The following SYMPK variants were observed in gnomAD, a reference collection of about 807,000 sequenced individuals.
SYMPK encodes symplekin scaffold protein.
SYMPK carries 49 observed loss-of-function variants against 136.4 expected under a neutral mutation model. The ratio of observed to expected loss-of-function variants is 0.36; its 90% CI spans 0.29 to 0.46. The LOEUF (loss-of-function observed/expected upper bound fraction) is 0.46. Ranked by LOEUF, SYMPK falls within the 20% of genes least tolerant of loss-of-function variation. The probability of loss-of-function intolerance (pLI) is 1.00; values close to 1 mark genes in which losing one functional copy is unlikely to be tolerated. For synonymous variants in SYMPK, 766 were observed against 713.0 expected (o/e 1.07, Z -1.19); for missense variants, 1,365 against 1,690.0 (o/e 0.81, Z 3.37).
rs191537817 is a variant in SYMPK, at chr19:45,835,073, C to T, written c.1393+5G>A. ...TGGCCCAGGTTAGGGCCAGGACACA[C>T]TCACCTGGTCCCAGTCCGGCAGCTG... On this transcript the variant is annotated splice_donor_5th_base_variant and intron_variant, in intron 11 of 26. Coordinates refer to ENST00000245934, the MANE Select transcript of SYMPK (RefSeq NM_004819.3). The T allele has an allele frequency of 5.0e-6, 8 of 1,588,414 alleles. No individual in the cohort carries two copies. Among genetic ancestry groups the T allele is most frequent in the Non-Finnish European group, 6.0e-6 (7 of 1,166,924 alleles).
intron 8 of SYMPK, among the ~76,000 whole-genome samples, 193 bp downstream of exon 8, chr19:45,843,837 G>A (rs939671267): frequency 1.3e-5 from 2 of 150,224 alleles, no homozygotes; most frequent in African/African-American, 2.5e-5. Flanking sequence ...CCAGCTACTC[G>A]GGAGGCTGAG....
intron 15 of SYMPK, 68 bp from the exon 16 acceptor site, chr19:45,827,691 C>T: frequency 6.6e-7 from 1 of 1,525,934 alleles, no homozygotes; most frequent in Non-Finnish European, 9.1e-7. Context: ...GTCTTTCCTG[C>T]CTGCCTCTGA....
At chr19:45,816,273 G>C in intron 25 of SYMPK, 90 bp from the exon 26 acceptor site, 3 of 1,145,174 alleles carry the variant, frequency 2.6e-6, no homozygotes, top group East Asian at 2.6e-5. Flanking sequence ...GGTGGTCTTT[G>C]AGTTCTTCAC....
intron 22 of SYMPK, chr19:45,820,416 A>T (rs1450569188): frequency 6.6e-6 from 1 of 152,220 alleles, no homozygotes; most frequent in East Asian, 1.9e-4. Context: ...CTTGACCTTA[A>T]ACGTTTCTCA....
intron 10 of SYMPK, among the ~76,000 whole-genome samples, chr19:45,837,718 C>T (rs1971335867): frequency 6.6e-6 from 1 of 151,592 alleles, no homozygotes; most frequent in South Asian, 2.1e-4. Flanking sequence ...AAGTTGGAGC[C>T]AGGTAGCAAG....
chr19:45,816,025 G>GGAGGAA lies in SYMPK; in HGVS notation c.3507_3512dup (p.Ser1170_Ser1171dup). ...GCCGGGCCGACGGAGAGGGAGAGGG[G>GGAGGAA]GAGGAAGAGGAGGGGGCTCCCACTC... is the stretch of plus-strand genomic sequence containing the variant. On this transcript the variant is annotated inframe_insertion, in exon 26 of 27. Coordinates refer to ENST00000245934, the MANE Select transcript of SYMPK (RefSeq NM_004819.3). 1 of 1,587,044 alleles carries GGAGGAA rather than the reference G, an allele frequency of 6.3e-7. No homozygotes were observed. Among genetic ancestry groups the GGAGGAA allele is most frequent in the Non-Finnish European group, 8.6e-7 (1 of 1,166,544 alleles).
intron 1 of SYMPK, among the ~76,000 whole-genome samples, chr19:45,862,187 A>AT (rs1971982441): frequency 6.6e-6 from 1 of 152,034 alleles, no homozygotes; most frequent in African/African-American, 2.4e-5. Context: ...GTTGCATAGT[A>AT]TTTTTTATGT....
At chr19:45,838,928 C>T (rs1600514408) in intron 9 of SYMPK, among the ~76,000 whole-genome samples, 1 of 152,278 alleles carries the variant, frequency 6.6e-6, no homozygotes, top group Non-Finnish European at 1.5e-5. Flanking sequence ...TGCTCGTCAC[C>T]GAGGCTGCAG....
chr19:45,815,445 CTT>C lies in SYMPK; in HGVS notation c.*113_*114del. On this transcript the variant is annotated 3_prime_UTR_variant, in exon 27 of 27. Coordinates refer to ENST00000245934, the MANE Select transcript of SYMPK (RefSeq NM_004819.3). ...CCCTTTTTTTTTTTCTTTTCAGTAA[CTT>C]GCCCAAGTTCACATCTTTTATTTCT... 2 of 1,127,068 alleles carry C rather than the reference CTT, an allele frequency of 1.8e-6. No homozygotes were observed. Among genetic ancestry groups the C allele is most frequent in the Non-Finnish European group, 2.4e-6 (2 of 825,280 alleles). 69.8% of individuals were successfully genotyped at this position (1,127,068 alleles called of 1,614,324 possible). A position where few individuals can be genotyped will look rare whatever the true frequency, so the allele number is the denominator to read the frequency against.
At chr19:45,827,768 C>T (rs1175871764) in intron 15 of SYMPK, 69 bp downstream of exon 15, 4 of 1,550,074 alleles carry the variant, frequency 2.6e-6, no homozygotes, top group Non-Finnish European at 2.7e-6. Context: ...AGACTGTGTG[C>T]CCTTCAGACC....
chr19:45,832,345 T>C (rs915303805), intron 11 of SYMPK, among the ~76,000 whole-genome samples: 18 of 152,064 alleles, frequency 1.2e-4, no homozygotes, highest in Non-Finnish European at 2.4e-4. Flanking sequence ...TTTCACCACA[T>C]TGGCCAGGCT....
chr19:45,815,481 C>G lies in SYMPK; in HGVS notation c.*79G>C. On this transcript the variant is annotated 3_prime_UTR_variant, in exon 27 of 27. Transcript: ENST00000245934. Reference sequence around the variant, plus strand: ...TCACATCTTTTATTTCTTTTTAAGGCAAAGCACCCGCAGGTCAAGCCCCGC... The same window carrying G: ...TCACATCTTTTATTTCTTTTTAAGGGAAAGCACCCGCAGGTCAAGCCCCGC... 1 of 1,224,496 alleles carries G rather than the reference C, an allele frequency of 8.2e-7. No homozygotes were observed. The highest frequency in any genetic ancestry group is 1.1e-6 in the Non-Finnish European group (1 of 905,020). The allele number at this position is 1,224,496 out of a possible 1,614,324, so 75.9% of individuals were successfully genotyped here. A position where few individuals can be genotyped will look rare whatever the true frequency, so the allele number is the denominator to read the frequency against.
intron 16 of SYMPK, among the ~76,000 whole-genome samples, 180 bp from the exon 17 acceptor site, chr19:45,826,553 G>A (rs1012354059): frequency 1.3e-5 from 2 of 151,908 alleles, no homozygotes; most frequent in Admixed American, 6.6e-5. Context: ...GGCCAGGGCC[G>A]GACCCGCAGC....
chr19:45,847,732 CA>C lies in SYMPK; in HGVS notation c.676+19del, dbSNP rs1568623006. Reference sequence around the variant, plus strand: ...ACTGGTGCAGGGCTGTCAGGGGTGGCAGCTGAAGGCAGTACTCACTGTACTG... The same window carrying C: ...ACTGGTGCAGGGCTGTCAGGGGTGGCGCTGAAGGCAGTACTCACTGTACTG... On this transcript the variant is annotated intron_variant, in intron 7 of 26. Transcript: ENST00000245934. 2.5e-6 allele frequency: 4 copies of C among 1,595,176 alleles called. No individual in the cohort carries two copies. In the South Asian group the frequency reaches 4.4e-5, roughly 18 times the overall value.
Position 45,816,984 on chromosome 19 carries a change from G to A in SYMPK, c.3082-10C>T, listed in dbSNP as rs1277042109. ...TGGGGTACTTCCACACCTGAACCAG[G>A]GAGGGAGGGAGCCGTCGGGAGAGGC... On this transcript the variant is annotated splice_polypyrimidine_tract_variant and intron_variant, in intron 23 of 26. Coordinates refer to ENST00000245934, the MANE Select transcript of SYMPK (RefSeq NM_004819.3). 1 of 1,554,606 alleles carries A rather than the reference G, an allele frequency of 6.4e-7. No individual in the cohort carries two copies. Among genetic ancestry groups the A allele is most frequent in the Non-Finnish European group, 8.7e-7 (1 of 1,149,726 alleles).
chr19:45,823,324 T>C, intron 20 of SYMPK, 48 bp downstream of exon 20: 1 of 1,579,122 alleles, frequency 6.3e-7, no homozygotes, highest in Non-Finnish European at 8.7e-7. Context: ...CCCCTCCCAG[T>C]CCCACATGTC....
chr19:45,829,151 C>G lies in SYMPK; in HGVS notation c.1804G>C (p.Ala602Pro). 1 of 1,614,206 alleles carries G rather than the reference C, an allele frequency of 6.2e-7. No individual in the cohort carries two copies. Among genetic ancestry groups the G allele is most frequent in the Non-Finnish European group, 8.5e-7 (1 of 1,180,050 alleles). ...TCCAGGATGAAGGACAGGACCTCCGCCTTCAGGCCCGAGTTGAACTGTGTC... is the reference window on the plus strand; with the variant it reads ...TCCAGGATGAAGGACAGGACCTCCGGCTTCAGGCCCGAGTTGAACTGTGTC... ...LVTQFNSGLK[A>P]EVLSFILEDV... Residue 602 changes from alanine (A) to proline (P), a missense_variant, in exon 14 of 27, where the codon GCG (alanine) becomes CCG (proline). Around this residue, in one of 11 missense-constraint regions of SYMPK, gnomAD observed 303 missense variants for 326.6 expected, o/e 0.93. Transcript: ENST00000245934.
At chr19:45,824,506 C>A (rs1970992889) in intron 18 of SYMPK, among the ~76,000 whole-genome samples, 1 of 152,158 alleles carries the variant, frequency 6.6e-6, no homozygotes, top group African/African-American at 2.4e-5. Flanking sequence ...GCCTGTTATC[C>A]CCATTTTCCA....
At chr19:45,839,127 G>C (rs1384120399) in intron 9 of SYMPK, among the ~76,000 whole-genome samples, 2 of 152,110 alleles carry the variant, frequency 1.3e-5, no homozygotes, top group Non-Finnish European at 2.9e-5. Flanking sequence ...GACCTCAGGT[G>C]ATCCACCTGT....
Sources: allele counts gnomAD v4.1 joint callset (sites outside exome capture counted in the v4.1 genomes callset), GRCh38; gene constraint gnomAD v4.1.1; regional missense constraint gnomAD v4.1.1; transcripts MANE v1.5; gene names NCBI Gene and HGNC (gene_info 2026-07-23, HGNC 2026-07-21).